Variants in MANF observed in about 807,000 individuals in gnomAD.
MANF encodes the protein mesencephalic astrocyte derived neurotrophic factor, also known as mesencephalic astrocyte-derived neurotrophic factor.
Under a neutral mutation model 19.1 loss-of-function variants are expected in MANF, and 9 were observed. The observed-to-expected ratio is 0.47, with a 90% CI of 0.28 to 0.82. The LOEUF (loss-of-function observed/expected upper bound fraction) is 0.82. Among genes scored for constraint, MANF ranks in the 40% least tolerant of loss-of-function variants. The probability of loss-of-function intolerance (pLI) is 0.10; values close to 1 mark genes in which losing one functional copy is unlikely to be tolerated. For missense variants in MANF, 225 were observed against 226.7 expected (o/e 0.99, Z 0.05); for synonymous variants, 89 against 88.0 (o/e 1.01, Z -0.06).
chr3:51,387,663 T>G, intron 2 of MANF, 74 bp from the exon 3 acceptor site: 1 of 1,426,162 alleles, frequency 7.0e-7, no homozygotes, highest in Non-Finnish European at 9.7e-7. Flanking sequence ...GAGATGATGT[T>G]TCAAGGTGTC....
chr3:51,385,745 C>A, intron 1 of MANF: 1 of 300,050 alleles, frequency 3.3e-6, no homozygotes, highest in Non-Finnish European at 6.1e-6. Flanking sequence ...GCTCCCCGTT[C>A]GGCGTCGGGA....
chr3:51,387,842 A>G lies in MANF; in HGVS notation c.328A>G (p.Lys110Glu). Residue 110 changes from lysine to glutamate, a missense_variant, in exon 3 of 4, where the codon AAG (lysine) becomes GAG (glutamate). By Grantham distance (56) the Lys-to-Glu change is moderately conservative. Transcript: ENST00000528157. ...TGTGGAGAAGATCTGTGAGAAGCTT[A>G]AGAAGAAGGACAGCCAGATATGTGA... ...IPVEKICEKL[K>E]KKDSQICELK... The G allele has an allele frequency of 1.9e-6, 3 of 1,613,818 alleles. No homozygotes were observed. The highest frequency in any genetic ancestry group is 2.5e-6 in the Non-Finnish European group (3 of 1,179,738).
rs1406945271 is a variant in MANF, at chr3:51,389,180, G to A, written c.*91G>A. The A allele has an allele frequency of 4.4e-6, 5 of 1,145,194 alleles. No homozygotes were observed. The highest frequency in any genetic ancestry group is 6.3e-6 in the Non-Finnish European group (5 of 796,836). The allele number at this position is 1,145,194 out of a possible 1,614,324, so 70.9% of individuals were successfully genotyped here. A position where few individuals can be genotyped will look rare whatever the true frequency, so the allele number is the denominator to read the frequency against. ...TTTTTGTAATTTATTTTTTAAGTGGGCTCCTGACAATACTGTATCAGATGT... is the reference window on the plus strand; with the variant it reads ...TTTTTGTAATTTATTTTTTAAGTGGACTCCTGACAATACTGTATCAGATGT... On this transcript the variant is annotated 3_prime_UTR_variant, in exon 4 of 4. Coordinates refer to ENST00000528157, the MANE Select transcript of MANF (RefSeq NM_006010.6).
chr3:51,387,018 G>A (rs1365804419), intron 2 of MANF: 11 of 444,618 alleles, frequency 2.5e-5, no homozygotes, highest in South Asian at 9.4e-5. Flanking sequence ...AGTACAGGCA[G>A]GGCACCGAAA....
At chr3:51,386,421 C>A (rs2106637269) in intron 2 of MANF, 86 bp downstream of exon 2, 2 of 1,481,960 alleles carry the variant, frequency 1.3e-6, no homozygotes, top group South Asian at 1.2e-5. Flanking sequence ...GCCTTGCCCA[C>A]CTCTCTGTTC....
At chr3:51,386,018 C>G in intron 1 of MANF, 190 bp from the exon 2 acceptor site, 2 of 598,738 alleles carry the variant, frequency 3.3e-6, no homozygotes, top group South Asian at 4.0e-5. Context: ...CCTGGGTGTA[C>G]CAGGGGACCC....
rs782008451 is a variant in MANF at position 51,387,780 on chromosome 3, T to C, written c.266T>C (p.Ile89Thr). ...GATDDAATKI[I>T]NEVSKPLAHH... ...ACAGATGATGCAGCCACCAAAATCATCAATGAGGTATCAAAGCCTCTGGCC... is the reference window on the plus strand; with the variant it reads ...ACAGATGATGCAGCCACCAAAATCACCAATGAGGTATCAAAGCCTCTGGCC... Residue 89 changes from isoleucine (I) to threonine (T), a missense_variant, in exon 3 of 4, where the codon ATC (isoleucine) becomes ACC (threonine). By Grantham distance (89) the Ile-to-Thr change is moderately conservative (BLOSUM62 -1). Coordinates refer to ENST00000528157, the MANE Select transcript of MANF (RefSeq NM_006010.6). 10 of 1,612,718 alleles carry C rather than the reference T, an allele frequency of 6.2e-6. No individual in the cohort carries two copies. Among genetic ancestry groups the C allele is most frequent in the Non-Finnish European group, 7.6e-6 (9 of 1,179,356 alleles).
In MANF at chr3:51,389,004, CAGA is replaced by C; in HGVS notation, c.466_468del (p.Glu156del). 6.2e-7 allele frequency: 1 copy of C among 1,610,456 alleles called. No homozygotes were observed. The highest frequency in any genetic ancestry group is 8.5e-7 in the Non-Finnish European group (1 of 1,178,272). On this transcript the variant is annotated inframe_deletion, in exon 4 of 4. Coordinates refer to ENST00000528157, the MANE Select transcript of MANF (RefSeq NM_006010.6). Reference sequence around the variant, plus strand: ...TGGGGGGAGACATGCAAAGGCTGTGCAGAAAAGTCTGACTACATCCGGAAGATA... The same window carrying C: ...TGGGGGGAGACATGCAAAGGCTGTGCAAAGTCTGACTACATCCGGAAGATA...
intron 2 of MANF, among the ~76,000 whole-genome samples, chr3:51,386,656 G>A (rs1332770993): frequency 6.6e-6 from 1 of 152,230 alleles, no homozygotes; most frequent in Admixed American, 6.5e-5. Flanking sequence ...GGACCAGCAG[G>A]TGCTGATTTA....
intron 2 of MANF, 30 bp downstream of exon 2, chr3:51,386,365 C>T (rs1448473757): frequency 6.2e-7 from 1 of 1,612,306 alleles, no homozygotes; most frequent in Non-Finnish European, 8.5e-7. Context: ...CCCCAACTGG[C>T]CCTGGCTCAT....
In MANF at chr3:51,385,310, C is replaced by A. The variant is rs1190769379; in HGVS notation, c.-33C>A. The A allele has an allele frequency of 3.5e-6, 4 of 1,154,654 alleles. No individual in the cohort carries two copies. Among genetic ancestry groups the A allele is most frequent in the Non-Finnish European group, 4.4e-6 (4 of 916,038 alleles). 71.5% of individuals were successfully genotyped at this position (1,154,654 alleles called of 1,614,324 possible). ...CGGTTCAGTCGGTCGGCGGCGGCAG[C>A]GGAGGAGGAGGAGGAGGAGGAGGAT... On this transcript the variant is annotated 5_prime_UTR_variant, in exon 1 of 4. Transcript: ENST00000528157.
rs1220601298 is a variant in MANF at position 51,389,395 on chromosome 3, C to G, written c.*306C>G. ...AATGGGGTTTTGCCCCAGGAGGCTC[C>G]TACCAGTTTCTGCTTTCCAGTTGCA... On this transcript the variant is annotated 3_prime_UTR_variant, in exon 4 of 4. Coordinates refer to ENST00000528157, the MANE Select transcript of MANF (RefSeq NM_006010.6). 1 of 317,844 alleles carries G rather than the reference C, an allele frequency of 3.1e-6. No individual in the cohort carries two copies. The allele number at this position is 317,844 out of a possible 1,614,324, so 19.7% of individuals were successfully genotyped here. A position where few individuals can be genotyped will look rare whatever the true frequency, so the allele number is the denominator to read the frequency against.
At position 51,389,073 on chromosome 3, in the gene MANF, C is replaced by T. The variant is rs781822105; in HGVS notation, c.533C>T (p.Ala178Val). The T allele has an allele frequency of 5.6e-6, 9 of 1,612,186 alleles. No individual in the cohort carries two copies. In the South Asian group the frequency reaches 8.8e-5, roughly 16 times the overall value. The change falls in exon 4 of 4, where the codon GCA (alanine) becomes GTA (valine). Residue 178 changes from alanine (A) to valine (V), a missense_variant. By Grantham distance (64) the Ala-to-Val change is moderately conservative (BLOSUM62 0). Coordinates refer to ENST00000528157, the MANE Select transcript of MANF (RefSeq NM_006010.6). ...AAATATGCCCCCAAGGCAGCCAGTG[C>T]ACGGACCGATTTGTAGTCTGCTCAA... ...MPKYAPKAAS[A>V]RTDL
Position 51,385,426 on chromosome 3 carries a change from C to T in MANF, c.84C>T (p.Gly28=). The change falls in exon 1 of 4, where the codon GGC becomes GGT. Residue 28 remains glycine (G), a synonymous_variant. Transcript: ENST00000528157. ...VLPGSRALRP[G]DCEVCISYLG... ...CGGGCAGCCGGGCGCTGCGGCCGGG[C>T]GACTGCGAAGGTGCGGGATAGGGGG... The T allele has an allele frequency of 8.1e-7, 1 of 1,234,854 alleles. No homozygotes were observed. Among genetic ancestry groups the T allele is most frequent in the Non-Finnish European group, 1.0e-6 (1 of 988,520 alleles). 76.5% of individuals were successfully genotyped at this position (1,234,854 alleles called of 1,614,324 possible).
intron 1 of MANF, 109 bp from the exon 2 acceptor site, chr3:51,386,099 C>G (rs1310375283): frequency 8.1e-7 from 1 of 1,228,680 alleles, no homozygotes; most frequent in Non-Finnish European, 1.1e-6. Flanking sequence ...AAGCTCACCT[C>G]TAATGATTCA....
At chr3:51,386,925 C>T in intron 2 of MANF, 1 of 456,724 alleles carries the variant, frequency 2.2e-6, no homozygotes, top group South Asian at 1.5e-5. Flanking sequence ...ACCCTGGTGA[C>T]ACTTAAATTC....
At chr3:51,387,580 C>A in intron 2 of MANF, 157 bp from the exon 3 acceptor site, 1 of 636,568 alleles carries the variant, frequency 1.6e-6, no homozygotes, top group Non-Finnish European at 2.7e-6. Flanking sequence ...TGCAGGGAGC[C>A]GTGATCATGC....
intron 1 of MANF, chr3:51,385,652 T>C: frequency 2.6e-6 from 1 of 377,986 alleles, no homozygotes; most frequent in Non-Finnish European, 4.7e-6. Context: ...CGAAGAAAAG[T>C]TGAGACTAGA....
In MANF at chr3:51,385,314, G is replaced by T; in HGVS notation, c.-29G>T. On this transcript the variant is annotated 5_prime_UTR_variant, in exon 1 of 4. In the 5' UTR this introduces an upstream ATG that the reference lacks. Transcript: ENST00000528157. ...TCAGTCGGTCGGCGGCGGCAGCGGA[G>T]GAGGAGGAGGAGGAGGAGGATGAGG... 1 of 1,155,192 alleles carries T rather than the reference G, an allele frequency of 8.7e-7. No individual in the cohort carries two copies. Among genetic ancestry groups the T allele is most frequent in the Non-Finnish European group, 1.1e-6 (1 of 935,362 alleles). 71.6% of individuals were successfully genotyped at this position (1,155,192 alleles called of 1,614,324 possible). A position where few individuals can be genotyped will look rare whatever the true frequency, so the allele number is the denominator to read the frequency against.
Sources: gnomAD v4.1 joint callset for allele counts (sites outside exome capture counted in the v4.1 genomes callset) on GRCh38, gnomAD v4.1.1 for gene constraint, MANE v1.5 for transcripts, NCBI Gene and HGNC (gene_info 2026-07-23, HGNC 2026-07-21) for gene names.